The following IGSF9B variants were observed in gnomAD, a reference collection of about 807,000 sequenced individuals.
IGSF9B encodes immunoglobulin superfamily member 9B.
A neutral mutation model predicts 143.7 loss-of-function variants in IGSF9B; 48 were observed. That is an observed-to-expected ratio of 0.33 (90% CI 0.26 to 0.42). The LOEUF is 0.42. Ranked by LOEUF, IGSF9B falls within the 20% of genes least tolerant of loss-of-function variation. The pLI is 1.00. For synonymous variants in IGSF9B, 903 were observed against 833.1 expected, an observed-to-expected ratio of 1.08 and a Z score of -1.44; for missense variants, 1,706 against 1,980.0, an observed-to-expected ratio of 0.86 and a Z score of 2.63.
At chr11:133,925,032 T>A in intron 14 of IGSF9B, 128 bp from the exon 15 acceptor site, 1 of 735,732 alleles carries the variant, frequency 1.4e-6, no homozygotes, top group Non-Finnish European at 2.3e-6. Context: ...CTGCTAAGTG[T>A]CTAATGCTAA....
intron 15 of IGSF9B, among the ~76,000 whole-genome samples, chr11:133,923,272 G>A (rs1939573990): frequency 6.6e-6 from 1 of 152,174 alleles, no homozygotes; most frequent in South Asian, 2.1e-4. Context: ...GGCAACTTGA[G>A]GATAAAATAC....
At chr11:133,927,863 C>T (rs1475335966) in intron 12 of IGSF9B, among the ~76,000 whole-genome samples, 2 of 151,910 alleles carry the variant, frequency 1.3e-5, no homozygotes, top group Admixed American at 6.6e-5. Flanking sequence ...CTCCAGGATC[C>T]ACTCCCGGGT....
intron 18 of IGSF9B, among the ~76,000 whole-genome samples, chr11:133,914,072 TATG>T (rs1212040518): frequency 1.3e-5 from 2 of 152,214 alleles, no homozygotes; most frequent in Non-Finnish European, 2.9e-5. Context: ...CCAGGGGTGA[TATG>T]ATGGTTAGAA....
intron 18 of IGSF9B, among the ~76,000 whole-genome samples, chr11:133,919,420 G>A (rs976069232): frequency 3.3e-5 from 5 of 152,212 alleles, no homozygotes. Flanking sequence ...TCAACTCCAA[G>A]AGGGACGGGG....
Position 133,898,262 on chromosome 11 carries a change from C to G in IGSF9B, c.*10807G>C, listed in dbSNP as rs1478319626. Reference sequence around the variant, plus strand: ...CTCATGACGAAACTGACAGTCATATCCAGAAAAGAAGAACTACAGCAAGAG... The same window carrying G: ...CTCATGACGAAACTGACAGTCATATGCAGAAAAGAAGAACTACAGCAAGAG... On this transcript the variant is annotated 3_prime_UTR_variant, in exon 20 of 20. Transcript: ENST00000533871. 2.6e-5 allele frequency: 4 copies of G among 152,206 alleles called. No homozygotes were observed. Among genetic ancestry groups the G allele is most frequent in the Non-Finnish European group, 4.4e-5 (3 of 68,072 alleles). 9.4% of individuals were successfully genotyped at this position (152,206 alleles called of 1,614,324 possible).
At chr11:133,911,473 G>A (rs1423912752) in intron 19 of IGSF9B, among the ~76,000 whole-genome samples, 1 of 152,200 alleles carries the variant, frequency 6.6e-6, no homozygotes, top group Non-Finnish European at 1.5e-5. Context: ...AGAGTTATGT[G>A]CAAGGTGAAA....
At chr11:133,934,717 C>T (rs976141744) in intron 7 of IGSF9B, among the ~76,000 whole-genome samples, 2 of 152,176 alleles carry the variant, frequency 1.3e-5, no homozygotes, top group African/African-American at 4.8e-5. Context: ...ACCAGCTCCA[C>T]CTCCAGGGCC....
chr11:133,951,674 G>A (rs1253084682), intron 1 of IGSF9B, among the ~76,000 whole-genome samples: 2 of 152,302 alleles, frequency 1.3e-5, no homozygotes, highest in South Asian at 2.1e-4. Context: ...CAGAGGCAAA[G>A]CCACACCCCC....
At chr11:133,937,638 C>T in intron 4 of IGSF9B, 145 bp from the exon 5 acceptor site, 1 of 1,025,648 alleles carries the variant, frequency 9.7e-7, no homozygotes, top group South Asian at 1.6e-5. Flanking sequence ...GCAGGTGCCC[C>T]CTTGCCCATC....
Position 133,946,891 on chromosome 11 carries a change from G to A in IGSF9B, c.65-633C>T, listed in dbSNP as rs181367200. ...CGTGGCAACACCAGAGGGAAACCCC[G>A]CAGGCTGAGCCGGCCTCTCCAGCCC... On this transcript the variant is annotated intron_variant, in intron 1 of 19. Transcript: ENST00000533871. Among the ~76,000 whole-genome samples, 303 of 152,292 alleles carry A rather than the reference G, an allele frequency of 2.0e-3. 5 individuals are homozygous for A. The highest frequency in any genetic ancestry group is 3.9e-4 in the East Asian group (2 of 5,166).
At chr11:133,924,312 AG>A (rs1264834670) in intron 15 of IGSF9B, among the ~76,000 whole-genome samples, 1 of 152,220 alleles carries the variant, frequency 6.6e-6, no homozygotes, top group East Asian at 1.9e-4. Context: ...AGATAAATGG[AG>A]AAAATGCTAG....
At position 133,911,951 on chromosome 11, in the gene IGSF9B, T is replaced by G. The variant is rs1393083951; in HGVS notation, c.4040A>C (p.Lys1347Thr). 1.3e-6 allele frequency: 2 copies of G among 1,534,930 alleles called. No individual in the cohort carries two copies. Among genetic ancestry groups the G allele is most frequent in the African/African-American group, 2.7e-5 (2 of 72,952 alleles). Residue 1347 changes from lysine to threonine, a missense_variant, in exon 19 of 20, where the codon AAA (lysine) becomes ACA (threonine). Physicochemically the swap from Lys to Thr is moderately conservative, Grantham distance 78. This residue lies in a region of IGSF9B where 880 missense variants were observed against 762.9 expected (regional missense o/e 1.15). Coordinates refer to ENST00000533871, the MANE Select transcript of IGSF9B (RefSeq NM_001277285.4). ...TTTGGGCTTCTTTATCCGTTGGTAT[T>G]TCAGAGCCTCCAGCCTCTCAGGCGC... is the stretch of plus-strand genomic sequence containing the variant. Reference protein sequence around the residue: ...AAAPERLEALKYQRIKKPKKS... With the variant: ...AAAPERLEALTYQRIKKPKKS...
chr11:133,926,898 C>T lies in IGSF9B; in HGVS notation c.1807+18G>A. 6.4e-7 allele frequency: 1 copy of T among 1,559,686 alleles called. No individual in the cohort carries two copies. The highest frequency in any genetic ancestry group is 8.7e-7 in the Non-Finnish European group (1 of 1,147,156). ...CCTCTACAACCCCCGCTCCCAACAT[C>T]CCACCCCGGGCCCTCACCTAAAGTG... On this transcript the variant is annotated intron_variant, in intron 13 of 19. Transcript: ENST00000533871.
rs1188814882 is a variant in IGSF9B, at chr11:133,902,577, C to T, written c.*6492G>A. Among the ~76,000 whole-genome samples the T allele has an allele frequency of 6.8e-6, 1 of 146,296 alleles. No homozygotes were observed. Among genetic ancestry groups the T allele is most frequent in the African/African-American group, 2.5e-5 (1 of 39,684 alleles). ...CATACACACACACACCCCACACACA[C>T]ACACACACACCCCACTTACTTCCTG... On this transcript the variant is annotated 3_prime_UTR_variant, in exon 20 of 20. Transcript: ENST00000533871.
In IGSF9B at chr11:133,948,822, T is replaced by C. The variant is rs1940105548; in HGVS notation, c.65-2564A>G. Among the ~76,000 whole-genome samples the C allele has an allele frequency of 6.6e-6, 1 of 152,130 alleles. No homozygotes were observed. The highest frequency in any genetic ancestry group is 1.5e-5 in the Non-Finnish European group (1 of 68,024). On this transcript the variant is annotated intron_variant, in intron 1 of 19. Coordinates refer to ENST00000533871, the MANE Select transcript of IGSF9B (RefSeq NM_001277285.4). The surrounding 1 kb of genome is among the most constrained non-coding windows in gnomAD (Gnocchi z 4.7). ...GGCCCAGGCAGGAGGAACAGAGGCC[T>C]AGGGGGACAGCAGGCACCTCCAACA...
chr11:133,944,289 T>C lies in IGSF9B; in HGVS notation c.340A>G (p.Lys114Glu). Residue 114 changes from lysine (K) to glutamate (E), a missense_variant, in exon 3 of 20, where the codon AAA (lysine) becomes GAA (glutamate). Around this residue, in one of 7 missense-constraint regions of IGSF9B, gnomAD observed 171 missense variants for 213.9 expected, o/e 0.80. Transcript: ENST00000533871. ...TACTGCTGGTCCAGCATGAGCACTT[T>C]GCACTCATACCAGCCCTGGTCCTCA... ...RSEDQGWYEC[K>E]VLMLDQQYDT... is the part of the protein sequence containing the mutation. The C allele has an allele frequency of 6.2e-7, 1 of 1,613,962 alleles. No individual in the cohort carries two copies.
chr11:133,912,250 G>A, intron 18 of IGSF9B: 1 of 658,444 alleles, frequency 1.5e-6, no homozygotes, highest in Admixed American at 2.1e-5. Context: ...AGAGCAATCA[G>A]AAGACCCTAG....
Position 133,907,792 on chromosome 11 carries a change from T to A in IGSF9B, c.*1277A>T, listed in dbSNP as rs2121263471. On this transcript the variant is annotated 3_prime_UTR_variant, in exon 20 of 20. Transcript: ENST00000533871. ...GGCAAAGAGGGCAGGATCCAGAGCG[T>A]CCCAGGCCCCAGCAGCCAGAGGCGC... Among the ~76,000 whole-genome samples, 1 of 152,238 alleles carries A rather than the reference T, an allele frequency of 6.6e-6. No individual in the cohort carries two copies. Among genetic ancestry groups the A allele is most frequent in the Non-Finnish European group, 1.5e-5 (1 of 68,000 alleles).
rs2121253993 is a variant in IGSF9B, at chr11:133,901,950, A to ACAT, written c.*7118_*7119insATG. The stretch of plus-strand genomic sequence containing the variant: ...AAACCACACAACACACACACACATC[A>ACAT]CACACATGCACACCGCATCACACAC... On this transcript the variant is annotated 3_prime_UTR_variant, in exon 20 of 20. Coordinates refer to ENST00000533871, the MANE Select transcript of IGSF9B (RefSeq NM_001277285.4). Among the ~76,000 whole-genome samples the ACAT allele has an allele frequency of 7.9e-6, 1 of 125,868 alleles. No individual in the cohort carries two copies. The highest frequency in any genetic ancestry group is 2.0e-4 in the East Asian group (1 of 4,954). The allele number at this position is 125,868 out of a possible 152,430, so 82.6% of individuals were successfully genotyped here.
Sources: allele counts gnomAD v4.1 joint callset (sites outside exome capture counted in the v4.1 genomes callset), GRCh38; gene constraint gnomAD v4.1.1; regional missense constraint gnomAD v4.1.1; non-coding constraint Gnocchi (gnomAD v3.1); transcripts MANE v1.5; gene names NCBI Gene and HGNC (gene_info 2026-07-23, HGNC 2026-07-21).